Variants in BDH1 observed in about 807,000 individuals in gnomAD.
BDH1 encodes D-beta-hydroxybutyrate dehydrogenase, mitochondrial.
Under a neutral mutation model 33.1 loss-of-function variants are expected in BDH1, and 30 were observed. The ratio of observed to expected loss-of-function variants is 0.91; its 90% confidence interval spans 0.68 to 1.23. The LOEUF (loss-of-function observed/expected upper bound fraction) is 1.23. BDH1 is among the 50% of genes most tolerant of loss of function. The pLI is 0.00. For synonymous variants in BDH1, 190 were observed against 183.6 expected (o/e 1.03, Z -0.28); for missense variants, 443 against 464.4 (o/e 0.95, Z 0.42).
rs779504270 is a variant in BDH1 at position 197,512,109 on chromosome 3, C to T, written c.818G>A (p.Gly273Asp). The T allele has an allele frequency of 8.1e-6, 13 of 1,614,104 alleles. 1 individual carries two copies. In the South Asian group the frequency reaches 1.3e-4, roughly 16 times the overall value. ...GATCTTTTCATCAAAGTACTTCTTG[C>T]CGTAGTCCTTGCGCACGACCTCAGG... Reference protein sequence around the residue: ...ELPEVVRKDYGKKYFDEKIAK... With the variant: ...ELPEVVRKDYDKKYFDEKIAK... Residue 273 changes from glycine (G) to aspartate (D), a missense_variant, in exon 8 of 8, where the codon GGC becomes GAC. Coordinates refer to ENST00000392379, the MANE Select transcript of BDH1 (RefSeq NM_203314.3).
At chr3:197,518,101 C>T (rs180758986) in intron 6 of BDH1, among the ~76,000 whole-genome samples, 8 of 35,944 alleles carry the variant, frequency 2.2e-4, no homozygotes, top group African/African-American at 9.3e-4. Flanking sequence ...GGCTGACCCC[C>T]CCCAATCAGT....
At chr3:197,571,831 G>A (rs1482863886) in intron 1 of BDH1, among the ~76,000 whole-genome samples, 1 of 152,210 alleles carries the variant, frequency 6.6e-6, no homozygotes, top group Non-Finnish European at 1.5e-5. Flanking sequence ...GGGAGAACAA[G>A]ATGGGAGGAT....
In BDH1 at chr3:197,531,668, G is replaced by T. The variant is rs893234496; in HGVS notation, c.267+744C>A. The stretch of plus-strand genomic sequence containing the variant: ...CCTAAAGAAATAGAAATCAGTGGCT[G>T]CTCAGGGCTAGAGGTATATGTGGAG... On this transcript the variant is annotated intron_variant, in intron 5 of 7. Coordinates refer to ENST00000392379, the MANE Select transcript of BDH1 (RefSeq NM_203314.3). 2.6e-5 allele frequency among the ~76,000 whole-genome samples: 4 copies of T among 152,076 alleles called. No homozygotes were observed. The South Asian group carries it at 8.3e-4, about 32-fold the overall frequency.
At chr3:197,559,988 C>T (rs1717208602), upstream of BDH1, among the ~76,000 whole-genome samples, 1 of 152,266 alleles carries the variant, frequency 6.6e-6, no homozygotes, top group Non-Finnish European at 1.5e-5. Context: ...ACCACCTCCT[C>T]TCTGTTCAGG....
chr3:197,551,278 A>G lies in BDH1; in HGVS notation c.-44+3284T>C, dbSNP rs555210839. Among the ~76,000 whole-genome samples the G allele has an allele frequency of 3.2e-4, 49 of 152,264 alleles. 2 individuals carry two copies. The South Asian group carries it at 9.1e-3, about 28-fold the overall frequency. On this transcript the variant is annotated intron_variant, in intron 2 of 7. Coordinates refer to ENST00000392379, the MANE Select transcript of BDH1 (RefSeq NM_203314.3). ...ATTCTACTACATCTCCATGAGTTCA[A>G]TTGTTTTAATTTTTAGCTCCTACAA...
chr3:197,548,743 C>T (rs1716300913), intron 2 of BDH1, among the ~76,000 whole-genome samples: 1 of 151,968 alleles, frequency 6.6e-6, no homozygotes, highest in East Asian at 1.9e-4. Context: ...CCCAGCTACT[C>T]GGGAGGCTGG....
intron 2 of BDH1, among the ~76,000 whole-genome samples, chr3:197,553,851 G>A (rs1716773370): frequency 6.6e-6 from 1 of 152,206 alleles, no homozygotes; most frequent in African/African-American, 2.4e-5. Flanking sequence ...AACAGATTGA[G>A]TGTAGGATAT....
In BDH1 at chr3:197,512,445, G is replaced by T. The variant is rs1712176438; in HGVS notation, c.563-81C>A. 3.5e-6 allele frequency: 5 copies of T among 1,448,146 alleles called. No individual in the cohort carries two copies. In the South Asian group the frequency reaches 5.5e-5, roughly 16 times the overall value. The allele number at this position is 1,448,146 out of a possible 1,614,324, so 89.7% of individuals were successfully genotyped here. A position where few individuals can be genotyped will look rare whatever the true frequency, so the allele number is the denominator to read the frequency against. The stretch of plus-strand genomic sequence containing the variant: ...GCAGAAGTCTGGCATGTCTCTAGAG[G>T]CTTGGCTGGAACCACTTCTGAGCCA... On this transcript the variant is annotated intron_variant, in intron 7 of 7. Transcript: ENST00000392379.
At chr3:197,571,246 G>A (rs1298632862) in intron 1 of BDH1, among the ~76,000 whole-genome samples, 1 of 152,202 alleles carries the variant, frequency 6.6e-6, no homozygotes, top group African/African-American at 2.4e-5. Flanking sequence ...AGGCTCATAA[G>A]TGGAAGAGAC....
chr3:197,541,083 A>G (rs1268313719), intron 3 of BDH1, among the ~76,000 whole-genome samples: 1 of 152,210 alleles, frequency 6.6e-6, no homozygotes, highest in Non-Finnish European at 1.5e-5. Context: ...CAGCTCTTAC[A>G]GTCGCTGTGG....
chr3:197,540,385 T>G (rs1195117486), intron 3 of BDH1, among the ~76,000 whole-genome samples: 1 of 148,254 alleles, frequency 6.7e-6, no homozygotes, highest in Admixed American at 6.8e-5. Context: ...ACAAAAAGGT[T>G]GTGGCCGGGA....
intron 1 of BDH1, among the ~76,000 whole-genome samples, chr3:197,570,643 T>C (rs934222039): frequency 2.0e-5 from 3 of 152,140 alleles, no homozygotes; most frequent in Non-Finnish European, 4.4e-5. Context: ...GCAGCTTCCA[T>C]GTGGTGTTGA....
chr3:197,554,132 AACTG>A lies in BDH1; in HGVS notation c.-44+426_-44+429del, dbSNP rs1395495289. Among the ~76,000 whole-genome samples the A allele has an allele frequency of 6.6e-6, 1 of 152,156 alleles. No individual in the cohort carries two copies. Among genetic ancestry groups the A allele is most frequent in the African/African-American group, 2.4e-5 (1 of 41,430 alleles). On this transcript the variant is annotated intron_variant, in intron 2 of 7. Coordinates refer to ENST00000392379, the MANE Select transcript of BDH1 (RefSeq NM_203314.3). This position sits in a 1 kb window ranked among gnomAD's most constrained non-coding sequence, Gnocchi z 4.4. Reference sequence around the variant, plus strand: ...TTCGAGCCTTGCTCATCCTATACCAAACTGACTGCATCTGACCAAGTCCTAGCTG... The same window carrying A: ...TTCGAGCCTTGCTCATCCTATACCAAACTGCATCTGACCAAGTCCTAGCTG...
intron 3 of BDH1, chr3:197,538,422 G>T: frequency 2.2e-6 from 1 of 453,618 alleles, no homozygotes; most frequent in Non-Finnish European, 4.4e-6. Flanking sequence ...CACGATCTCA[G>T]CTCACTGCAA....
chr3:197,524,999 T>TG, intron 5 of BDH1, among the ~76,000 whole-genome samples: 1 of 152,222 alleles, frequency 6.6e-6, no homozygotes, highest in East Asian at 1.9e-4. Context: ...GGAGGCTCGA[T>TG]GGTCTAAAGT....
rs1221370741 is a variant in BDH1 at position 197,525,774 on chromosome 3, C to T, written c.268-2993G>A. Among the ~76,000 whole-genome samples, 1 of 152,248 alleles carries T rather than the reference C, an allele frequency of 6.6e-6. No homozygotes were observed. Among genetic ancestry groups the T allele is most frequent in the Non-Finnish European group, 1.5e-5 (1 of 68,034 alleles). Reference sequence around the variant, plus strand: ...CTGCAGACTCTGGTGGCCTGTCCCCCTCAGGGTCTACCTGTCCTCAGGCCA... The same window carrying T: ...CTGCAGACTCTGGTGGCCTGTCCCCTTCAGGGTCTACCTGTCCTCAGGCCA... On this transcript the variant is annotated intron_variant, in intron 5 of 7. Coordinates refer to ENST00000392379, the MANE Select transcript of BDH1 (RefSeq NM_203314.3). The surrounding 1 kb of genome is among the most constrained non-coding windows in gnomAD (Gnocchi z 4.9).
Position 197,514,556 on chromosome 3 carries a change from A to G in BDH1, c.410-140T>C. 1.0e-6 allele frequency: 1 copy of G among 1,002,748 alleles called. No homozygotes were observed. Among genetic ancestry groups the G allele is most frequent in the Non-Finnish European group, 1.4e-6 (1 of 696,682 alleles). The allele number at this position is 1,002,748 out of a possible 1,614,324, so 62.1% of individuals were successfully genotyped here. A position where few individuals can be genotyped will look rare whatever the true frequency, so the allele number is the denominator to read the frequency against. On this transcript the variant is annotated intron_variant, in intron 6 of 7. Coordinates refer to ENST00000392379, the MANE Select transcript of BDH1 (RefSeq NM_203314.3). This position sits in a 1 kb window ranked among gnomAD's most constrained non-coding sequence, Gnocchi z 4.2. ...GCCCAGTGCTCTCAAGAAACTTTCT[A>G]GAGTCACTCAGGAACGACAGGAGGT...
In BDH1 at chr3:197,511,568, A is replaced by G. The variant is rs541770817; in HGVS notation, c.*327T>C. On this transcript the variant is annotated 3_prime_UTR_variant, in exon 8 of 8. Coordinates refer to ENST00000392379, the MANE Select transcript of BDH1 (RefSeq NM_203314.3). The stretch of plus-strand genomic sequence containing the variant: ...AAAACCTGTCCTTTTCATTCATGAG[A>G]CTGGCTTAAGGATCAAATGAGATCT... The G allele has an allele frequency of 2.9e-6, 1 of 341,152 alleles. No individual in the cohort carries two copies. The highest frequency in any genetic ancestry group is 4.6e-5 in the East Asian group (1 of 21,906). 21.1% of individuals were successfully genotyped at this position (341,152 alleles called of 1,614,324 possible).
chr3:197,521,019 T>C lies in BDH1; in HGVS notation c.409+1621A>G, dbSNP rs772110791. Among the ~76,000 whole-genome samples, 3 of 152,098 alleles carry C rather than the reference T, an allele frequency of 2.0e-5. No individual in the cohort carries two copies. Among genetic ancestry groups the C allele is most frequent in the Non-Finnish European group, 4.4e-5 (3 of 67,996 alleles). On this transcript the variant is annotated intron_variant, in intron 6 of 7. Coordinates refer to ENST00000392379, the MANE Select transcript of BDH1 (RefSeq NM_203314.3). This position sits in a 1 kb window ranked among gnomAD's most constrained non-coding sequence, Gnocchi z 4.9. Reference sequence around the variant, plus strand: ...CACACGCAGCCTCTGAGGCAGCTGCTGTGACAGACAGCACATCCATCTGGC... The same window carrying C: ...CACACGCAGCCTCTGAGGCAGCTGCCGTGACAGACAGCACATCCATCTGGC...
Sources: allele counts gnomAD v4.1 joint callset (sites outside exome capture counted in the v4.1 genomes callset), GRCh38; gene constraint gnomAD v4.1.1; non-coding constraint Gnocchi (gnomAD v3.1); transcripts MANE v1.5; gene names NCBI Gene and HGNC (gene_info 2026-07-23, HGNC 2026-07-21).